CDK10: variants seen among roughly 807,000 people sequenced by gnomAD.
CDK10 encodes cyclin dependent kinase 10, also known as cyclin-dependent kinase 10.
CDK10 carries 55 observed loss-of-function variants against 51.0 expected under a neutral mutation model. The observed-to-expected ratio is 1.08, with a 90% CI of 0.87 to 1.35. The LOEUF (loss-of-function observed/expected upper bound fraction) is 1.35. Among genes scored for constraint, CDK10 ranks in the 40% most tolerant of loss-of-function variants. The pLI, the probability that CDK10 is intolerant of heterozygous loss-of-function variation, is 0.00. For synonymous variants in CDK10, 255 were observed against 199.1 expected (o/e 1.28, Z -2.36); for missense variants, 589 against 485.1 (o/e 1.21, Z -2.01).
At chr16:89,692,684 G>A (rs2060505801) in intron 6 of CDK10, 168 bp downstream of exon 6, 7 of 483,908 alleles carry the variant, frequency 1.4e-5, no homozygotes, top group South Asian at 3.1e-5. Flanking sequence ...TCTCTGTGTT[G>A]CCCAGGCTGG....
intron 1 of CDK10, chr16:89,687,644 T>C (rs868494386): frequency 2.3e-6 from 1 of 442,736 alleles, no homozygotes; most frequent in African/African-American, 2.0e-5. Context: ...GCTCAGTGCA[T>C]CGTCAGCCTC....
chr16:89,689,195 C>T, intron 1 of CDK10, 57 bp from the exon 2 acceptor site: 1 of 1,499,794 alleles, frequency 6.7e-7, no homozygotes, highest in Non-Finnish European at 9.3e-7. Context: ...TTTGAAATTT[C>T]CTCAGTTGTT....
At position 89,691,423 on chromosome 16, in the gene CDK10, G is replaced by C. The variant is rs1219070640; in HGVS notation, c.233-20G>C. ...CGCCATCACTGGGGTGGGGCTCGCT[G>C]AGGCCACCTCCCTCCCCAGGCATCC... On this transcript the variant is annotated intron_variant, in intron 3 of 12. Transcript: ENST00000353379. 1.3e-6 allele frequency: 2 copies of C among 1,581,186 alleles called. No individual in the cohort carries two copies. Among genetic ancestry groups the C allele is most frequent in the East Asian group, 4.5e-5 (2 of 44,270 alleles).
intron 9 of CDK10, 142 bp from the exon 10 acceptor site, chr16:89,694,523 C>T: frequency 6.9e-7 from 1 of 1,439,568 alleles, no homozygotes; most frequent in Non-Finnish European, 9.4e-7. Context: ...GTGGTCCCTG[C>T]CTGTCCTTCA....
chr16:89,687,701 T>C (rs1287130413), intron 1 of CDK10: 2 of 423,258 alleles, frequency 4.7e-6, no homozygotes, highest in Admixed American at 2.5e-5. Context: ...GTGCTGGAAT[T>C]ACAGGCGTGA....
intron 2 of CDK10, 130 bp from the exon 3 acceptor site, chr16:89,690,423 G>A (rs2060391607): frequency 4.0e-6 from 3 of 750,632 alleles, no homozygotes; most frequent in South Asian, 2.9e-5. Context: ...GGGACTGAGT[G>A]TCACTGGGCA....
chr16:89,692,395 A>T (rs1159687885), intron 5 of CDK10, 54 bp from the exon 6 acceptor site: 7 of 1,400,366 alleles, frequency 5.0e-6, no homozygotes, highest in Non-Finnish European at 6.7e-6. Context: ...GGCAGGGCCC[A>T]GCTGGGCTTC....
At position 89,694,454 on chromosome 16, in the gene CDK10, G is replaced by T. The variant is rs377140445; in HGVS notation, c.669-211G>T. On this transcript the variant is annotated intron_variant, in intron 9 of 12. Coordinates refer to ENST00000353379, the MANE Select transcript of CDK10 (RefSeq NM_052988.5). ...CTGGGAGCACAGAGGTCTGGAGGAGGCACGCCTGCCCCTGCACTTGTCACC... is the reference window on the plus strand; with the variant it reads ...CTGGGAGCACAGAGGTCTGGAGGAGTCACGCCTGCCCCTGCACTTGTCACC... 1.3e-4 allele frequency: 118 copies of T among 904,874 alleles called. 2 individuals are homozygous for T. Among genetic ancestry groups the T allele is most frequent in the African/African-American group, 1.2e-3 (76 of 61,018 alleles). The allele number at this position is 904,874 out of a possible 1,614,324, so 56.1% of individuals were successfully genotyped here. A position where few individuals can be genotyped will look rare whatever the true frequency, so the allele number is the denominator to read the frequency against.
rs908028416 is a variant in CDK10 at position 89,696,308 on chromosome 16, C to T, written c.*616C>T. 9.6e-6 allele frequency: 2 copies of T among 208,886 alleles called. No homozygotes were observed. The highest frequency in any genetic ancestry group is 1.2e-4 in the East Asian group (1 of 8,158). 12.9% of individuals were successfully genotyped at this position (208,886 alleles called of 1,614,324 possible). On this transcript the variant is annotated 3_prime_UTR_variant, in exon 13 of 13. Coordinates refer to ENST00000353379, the MANE Select transcript of CDK10 (RefSeq NM_052988.5). Reference sequence around the variant, plus strand: ...CCAACAGGAGGCCGTGGCTCTGATGCTGAGCGAAGCTATAGGCTCTTGTTG... The same window carrying T: ...CCAACAGGAGGCCGTGGCTCTGATGTTGAGCGAAGCTATAGGCTCTTGTTG...
chr16:89,689,107 G>GAA, intron 1 of CDK10, 145 bp from the exon 2 acceptor site: 1 of 685,062 alleles, frequency 1.5e-6, no homozygotes, highest in Non-Finnish European at 2.5e-6. Context: ...CTCAAAAAAA[G>GAA]AAAAAAAAAG....
intron 12 of CDK10, 42 bp from the exon 13 acceptor site, chr16:89,695,553 T>C (rs1472291637): frequency 1.5e-5 from 23 of 1,573,322 alleles, no homozygotes. Flanking sequence ...TCCTCCTATC[T>C]GGGGCCCTGC....
At chr16:89,693,666 G>C (rs1250676994) in intron 8 of CDK10, 199 bp downstream of exon 8, 2 of 609,752 alleles carry the variant, frequency 3.3e-6, no homozygotes, top group East Asian at 2.8e-5. Context: ...GACGGGCTCA[G>C]TGGCGTCAAG....
intron 2 of CDK10, chr16:89,689,709 G>T (rs945254593): frequency 9.8e-6 from 2 of 204,436 alleles, no homozygotes; most frequent in African/African-American, 4.7e-5. Context: ...TTTTGAGATG[G>T]GTCTTGCTCT....
At chr16:89,694,288 G>A (rs763618738) in intron 9 of CDK10, 56 bp downstream of exon 9, 34 of 1,559,732 alleles carry the variant, frequency 2.2e-5, no homozygotes, top group South Asian at 6.7e-5. Context: ...GACAGGAGCC[G>A]GGTCACCTGG....
In CDK10 at chr16:89,690,773, C is replaced by G. The variant is rs2060410239; in HGVS notation, c.232+149C>G. 8.5e-6 allele frequency: 6 copies of G among 705,278 alleles called. No homozygotes were observed. The Admixed American group carries it at 1.3e-4, about 15-fold the overall frequency. The allele number at this position is 705,278 out of a possible 1,614,324, so 43.7% of individuals were successfully genotyped here. ...CTGGTGTGGCCCAGCACATCACCCC[C>G]AGGTCCACACGCAGCCTCAGCTGTC... On this transcript the variant is annotated intron_variant, in intron 3 of 12. Coordinates refer to ENST00000353379, the MANE Select transcript of CDK10 (RefSeq NM_052988.5).
chr16:89,690,800 G>T (rs1362818971), intron 3 of CDK10, among the ~76,000 whole-genome samples, 176 bp downstream of exon 3: 1 of 152,104 alleles, frequency 6.6e-6, no homozygotes, highest in Non-Finnish European at 1.5e-5. Flanking sequence ...TCAGCTGTCT[G>T]CCAGGAGGGC....
intron 3 of CDK10, 146 bp from the exon 4 acceptor site, chr16:89,691,294 AAAT>A (rs2060434415): frequency 1.4e-5 from 8 of 560,244 alleles, no homozygotes; most frequent in Non-Finnish European, 2.5e-5. Context: ...AAAAAAAAAA[AAAT>A]GCTTATTGGG....
intron 3 of CDK10, among the ~76,000 whole-genome samples, chr16:89,691,227 G>A (rs2060430594): frequency 5.9e-5 from 9 of 152,162 alleles, no homozygotes; most frequent in Admixed American, 5.2e-4. Context: ...AGAGGTTGCG[G>A]TGAGCCGAGA....
In CDK10 at chr16:89,693,474, C is replaced by T; in HGVS notation, c.608+7C>T. On this transcript the variant is annotated splice_region_variant and intron_variant, in intron 8 of 12. Coordinates refer to ENST00000353379, the MANE Select transcript of CDK10 (RefSeq NM_052988.5). ...CCAAGGTGGTCACTCTCTGGTAAGT[C>T]CTTCTGAAGCATGGTGGCCCCTGGG... 6.2e-7 allele frequency: 1 copy of T among 1,613,878 alleles called. No homozygotes were observed. Among genetic ancestry groups the T allele is most frequent in the Non-Finnish European group, 8.5e-7 (1 of 1,179,898 alleles).
Sources: allele counts gnomAD v4.1 joint callset (sites outside exome capture counted in the v4.1 genomes callset), GRCh38; gene constraint gnomAD v4.1.1; transcripts MANE v1.5; gene names NCBI Gene and HGNC (gene_info 2026-07-23, HGNC 2026-07-21).